The following DMRT1 variants were observed in gnomAD, a reference collection of about 807,000 sequenced individuals.
The protein encoded by DMRT1 is doublesex- and mab-3-related transcription factor 1.
In DMRT1, 7 loss-of-function variants were observed where a neutral mutation model predicts 32.3. The observed-to-expected ratio is 0.22, with a 90% CI of 0.12 to 0.41. The LOEUF is 0.41. DMRT1 is among the 10% of genes least tolerant of loss of function. DMRT1 has a pLI of 1.00. For missense variants in DMRT1, 625 were observed against 500.5 expected, an observed-to-expected ratio of 1.25 and a Z score of -2.37; for synonymous variants, 278 against 206.1, an observed-to-expected ratio of 1.35 and a Z score of -2.99.
chr9:881,529 A>G lies in DMRT1; in HGVS notation c.539-12383A>G, dbSNP rs553273276. 2.0e-5 allele frequency among the ~76,000 whole-genome samples: 3 copies of G among 152,332 alleles called. No homozygotes were observed. The South Asian group carries it at 6.2e-4, about 32-fold the overall frequency. On this transcript the variant is annotated intron_variant, in intron 2 of 4. Coordinates refer to ENST00000382276, the MANE Select transcript of DMRT1 (RefSeq NM_021951.3). ...TGACCATGAGCAAACTTAAACATGTATCTTTGCTACCTTCTGTCCAGCTCC... is the reference window on the plus strand; with the variant it reads ...TGACCATGAGCAAACTTAAACATGTGTCTTTGCTACCTTCTGTCCAGCTCC...
intron 4 of DMRT1, among the ~76,000 whole-genome samples, chr9:940,006 A>C (rs1373866474): frequency 6.6e-6 from 1 of 152,164 alleles, no homozygotes; most frequent in Non-Finnish European, 1.5e-5. Context: ...CAAACTCATG[A>C]TCAGATTCCA....
chr9:880,361 T>A (rs767513699), intron 2 of DMRT1, among the ~76,000 whole-genome samples: 48 of 152,124 alleles, frequency 3.2e-4, no homozygotes, highest in Non-Finnish European at 6.2e-4. Flanking sequence ...TTTAGCAAAA[T>A]CAACATAACA....
intron 1 of DMRT1, chr9:843,098 T>G (rs1186338477): frequency 6.6e-6 from 1 of 152,240 alleles, no homozygotes; most frequent in East Asian, 1.9e-4. Flanking sequence ...GTTTCGGGGT[T>G]CGATTTCCTC....
rs765410506 is a variant in DMRT1, at chr9:842,091, G to T, written c.253G>T (p.Ala85Ser). 1 of 1,546,578 alleles carries T rather than the reference G, an allele frequency of 6.5e-7. No individual in the cohort carries two copies. Among genetic ancestry groups the T allele is most frequent in the African/African-American group, 1.4e-5 (1 of 73,410 alleles). The change falls in exon 1 of 5, where the codon GCC becomes TCC. Residue 85 changes from alanine to serine, a missense_variant. Coordinates refer to ENST00000382276, the MANE Select transcript of DMRT1 (RefSeq NM_021951.3). Reference sequence around the variant, plus strand: ...CGCACGCTGCAGGAACCACGGCTACGCCTCGCCGCTCAAGGGCCACAAGCG... The same window carrying T: ...CGCACGCTGCAGGAACCACGGCTACTCCTCGCCGCTCAAGGGCCACAAGCG... ...KCARCRNHGY[A>S]SPLKGHKRFC...
At chr9:894,786 A>T (rs1475703851) in intron 3 of DMRT1, 2 of 156,020 alleles carry the variant, frequency 1.3e-5, no homozygotes, top group Non-Finnish European at 2.8e-5. Flanking sequence ...TCATTCTCCA[A>T]GTTTGTTTTT....
intron 2 of DMRT1, among the ~76,000 whole-genome samples, chr9:879,111 A>G (rs1006673145): frequency 6.6e-6 from 1 of 152,198 alleles, no homozygotes; most frequent in African/African-American, 2.4e-5. Flanking sequence ...GCTCAGAATA[A>G]GATGCCAGGC....
intron 4 of DMRT1, among the ~76,000 whole-genome samples, chr9:953,369 A>C (rs1270184397): frequency 6.6e-6 from 1 of 152,194 alleles, no homozygotes; most frequent in African/African-American, 2.4e-5. Context: ...ATACCCATCC[A>C]AGGACAGAGT....
intron 4 of DMRT1, among the ~76,000 whole-genome samples, chr9:945,395 A>G (rs1306543076): frequency 6.6e-6 from 1 of 152,168 alleles, no homozygotes; most frequent in Non-Finnish European, 1.5e-5. Context: ...ACCTCAGGTG[A>G]TCCACCGGCC....
rs397893687 is a variant in DMRT1, at chr9:916,373, C to CT, written c.823-379dup. On this transcript the variant is annotated intron_variant, in intron 3 of 4. Transcript: ENST00000382276. ...TTAGATAGGCTATTCCCTTAATTTG[C>CT]TTTTTTTTTTTGAGACAGGGTCTTT... Among the ~76,000 whole-genome samples, 1,000 of 146,150 alleles carry CT rather than the reference C, an allele frequency of 6.8e-3. 9 individuals are homozygous for CT. The highest frequency in any genetic ancestry group is 0.036 in the South Asian group (166 of 4,594).
chr9:866,783 C>T (rs1161915804), intron 2 of DMRT1, among the ~76,000 whole-genome samples: 3 of 152,202 alleles, frequency 2.0e-5, no homozygotes, highest in Non-Finnish European at 2.9e-5. Flanking sequence ...AGAGTCCAGT[C>T]ATCCACTTGA....
rs556697137 is a variant in DMRT1, at chr9:861,697, A to C, written c.538+14554A>C. On this transcript the variant is annotated intron_variant, in intron 2 of 4. Transcript: ENST00000382276. ...GGGAAGCCGGGCAGAGGGGCCCCCC[A>C]CCTCCCAGACGGGGCGGCTGGCCGG... Among the ~76,000 whole-genome samples, 169 of 144,636 alleles carry C rather than the reference A, an allele frequency of 1.2e-3. 2 individuals are homozygous for C. The highest frequency in any genetic ancestry group is 3.6e-3 in the African/African-American group (137 of 37,590). 94.9% of individuals were successfully genotyped at this position (144,636 alleles called of 152,430 possible). A position where few individuals can be genotyped will look rare whatever the true frequency, so the allele number is the denominator to read the frequency against.
chr9:892,466 T>C (rs1817189574), intron 2 of DMRT1, among the ~76,000 whole-genome samples: 1 of 152,072 alleles, frequency 6.6e-6, no homozygotes, highest in African/African-American at 2.4e-5. Context: ...GCTCTCTGCC[T>C]CCCCTGCATC....
At chr9:852,790 C>G (rs893603446) in intron 2 of DMRT1, among the ~76,000 whole-genome samples, 2 of 152,196 alleles carry the variant, frequency 1.3e-5, no homozygotes, top group African/African-American at 2.4e-5. Context: ...TTCTGTGGCT[C>G]GTGGCCCAGT....
chr9:890,337 A>C (rs1456999725), intron 2 of DMRT1, among the ~76,000 whole-genome samples: 3 of 152,150 alleles, frequency 2.0e-5, no homozygotes, highest in Non-Finnish European at 4.4e-5. Context: ...GGGGGTGTGG[A>C]ATAATGGCAT....
At chr9:877,169 G>A (rs1816538720) in intron 2 of DMRT1, among the ~76,000 whole-genome samples, 1 of 152,196 alleles carries the variant, frequency 6.6e-6, no homozygotes, top group Admixed American at 6.5e-5. Context: ...TAAAAATGAT[G>A]GTTGAAAGAA....
chr9:894,165 T>C lies in DMRT1; in HGVS notation c.792T>C (p.Tyr264=). 1.2e-6 allele frequency: 2 copies of C among 1,613,948 alleles called. No individual in the cohort carries two copies. The highest frequency in any genetic ancestry group is 1.7e-6 in the Non-Finnish European group (2 of 1,180,052). The part of the protein sequence containing the change: ...KNSLRGLPGP[Y]VPGQTGNQWQ... Reference sequence around the variant, plus strand: ...GCCTTCGGGGCCTCCCCGGACCTTATGTGCCTGGTCAGACAGGAAACCAGT... The same window carrying C: ...GCCTTCGGGGCCTCCCCGGACCTTACGTGCCTGGTCAGACAGGAAACCAGT... The change falls in exon 3 of 5, where the codon TAT becomes TAC. Residue 264 remains tyrosine (Y), a synonymous_variant. Transcript: ENST00000382276.
chr9:901,781 G>A (rs533703587), intron 3 of DMRT1, among the ~76,000 whole-genome samples: 65 of 151,798 alleles, frequency 4.3e-4, no homozygotes, highest in African/African-American at 1.5e-3. Flanking sequence ...CTTGCCTTAC[G>A]AACCTGCCCT....
rs913535746 is a variant in DMRT1, at chr9:901,451, C to G, written c.822+7256C>G. Reference sequence around the variant, plus strand: ...AAGCGATTCTCCTGCCTCAGCCTTCCAAGTAGCTGGGATTACAGGCCCCTG... The same window carrying G: ...AAGCGATTCTCCTGCCTCAGCCTTCGAAGTAGCTGGGATTACAGGCCCCTG... On this transcript the variant is annotated intron_variant, in intron 3 of 4. Transcript: ENST00000382276. Among the ~76,000 whole-genome samples the G allele has an allele frequency of 1.3e-5, 2 of 151,918 alleles. 1 individual carries two copies. Among genetic ancestry groups the G allele is most frequent in the South Asian group, 4.2e-4 (2 of 4,800 alleles).
intron 3 of DMRT1, among the ~76,000 whole-genome samples, chr9:901,247 A>G (rs889678924): frequency 6.6e-6 from 1 of 151,980 alleles, no homozygotes; most frequent in African/African-American, 2.4e-5. Flanking sequence ...ACTCCTGGAC[A>G]TTCAAGTGAT....
Sources: gnomAD v4.1 joint callset for allele counts (sites outside exome capture counted in the v4.1 genomes callset) on GRCh38, gnomAD v4.1.1 for gene constraint, MANE v1.5 for transcripts, NCBI Gene and HGNC (gene_info 2026-07-23, HGNC 2026-07-21) for gene names.